The following CCSER1 variants were observed in gnomAD, a reference collection of about 807,000 sequenced individuals.
CCSER1 encodes coiled-coil serine rich protein 1, also known as serine-rich coiled-coil domain-containing protein 1.
A neutral mutation model predicts 82.0 loss-of-function variants in CCSER1; 41 were observed. That is an observed-to-expected ratio of 0.50 (90% confidence interval 0.39 to 0.65). The LOEUF (loss-of-function observed/expected upper bound fraction) is 0.65, where lower values mean the gene tolerates loss of function less well. CCSER1 is among the 30% of genes least tolerant of loss of function. CCSER1 has a pLI of 0.00. For synonymous variants in CCSER1, 414 were observed against 383.9 expected (o/e 1.08, Z -0.92); for missense variants, 1,119 against 1,064.2 (o/e 1.05, Z -0.72).
intron 8 of CCSER1, among the ~76,000 whole-genome samples, chr4:90,835,046 T>G (rs1412795111): frequency 6.6e-6 from 1 of 152,186 alleles, no homozygotes; most frequent in African/African-American, 2.4e-5. Context: ...AATTTTACCT[T>G]TTTCTCGCTG....
intron 1 of CCSER1, among the ~76,000 whole-genome samples, chr4:90,304,778 C>A (rs2153476166): frequency 6.6e-6 from 1 of 151,500 alleles, no homozygotes; most frequent in African/African-American, 2.4e-5. Flanking sequence ...CGCACATGTA[C>A]CCTAAAACTT....
intron 8 of CCSER1, among the ~76,000 whole-genome samples, chr4:90,893,302 T>C: frequency 6.6e-6 from 1 of 152,028 alleles, no homozygotes. Flanking sequence ...GAAGAGAATG[T>C]AAGGAAAGGA....
At chr4:90,310,074 G>C (rs1735030085) in intron 2 of CCSER1, among the ~76,000 whole-genome samples, 1 of 151,622 alleles carries the variant, frequency 6.6e-6, no homozygotes, top group Non-Finnish European at 1.5e-5. Context: ...AATTTCCTTT[G>C]TTAACTAAGC....
At chr4:91,222,234 G>A (rs888663818) in intron 10 of CCSER1, among the ~76,000 whole-genome samples, 2 of 151,136 alleles carry the variant, frequency 1.3e-5, no homozygotes, top group African/African-American at 4.9e-5. Context: ...GCAGGAAGGT[G>A]AGCACAGCCG....
intron 3 of CCSER1, among the ~76,000 whole-genome samples, chr4:90,359,887 ATG>A (rs1230784919): frequency 5.0e-5 from 4 of 79,274 alleles, no homozygotes; most frequent in Non-Finnish European, 6.8e-5. Flanking sequence ...GTGTATATAT[ATG>A]TGTGTGTGTA....
At chr4:90,552,422 C>T (rs1002019724) in intron 5 of CCSER1, among the ~76,000 whole-genome samples, 1 of 151,914 alleles carries the variant, frequency 6.6e-6, no homozygotes, top group Non-Finnish European at 1.5e-5. Flanking sequence ...ATTTTTAGAA[C>T]AAATTTTCAA....
chr4:91,558,011 TTAAA>T (rs1762482404), intron 10 of CCSER1, among the ~76,000 whole-genome samples: 1 of 151,116 alleles, frequency 6.6e-6, no homozygotes, highest in Non-Finnish European at 1.5e-5. Flanking sequence ...TAATAGTACT[TTAAA>T]TATTTCTTAA....
chr4:90,171,274 T>C (rs1659169621), intron 1 of CCSER1, among the ~76,000 whole-genome samples: 1 of 151,814 alleles, frequency 6.6e-6, no homozygotes, highest in South Asian at 2.1e-4. Flanking sequence ...GAATTTTCAG[T>C]GTCCTTTGAG....
chr4:91,481,882 A>C (rs1039882537), intron 10 of CCSER1, among the ~76,000 whole-genome samples: 2 of 152,172 alleles, frequency 1.3e-5, no homozygotes, highest in African/African-American at 2.4e-5. Context: ...TCATCTGACA[A>C]AGGGCTAATA....
intron 10 of CCSER1, among the ~76,000 whole-genome samples, chr4:91,501,851 T>C (rs941070847): frequency 4.2e-4 from 64 of 152,196 alleles, no homozygotes; most frequent in African/African-American, 1.5e-3. Flanking sequence ...CCCACTTTTA[T>C]GTAGCCAAGT....
intron 4 of CCSER1, among the ~76,000 whole-genome samples, chr4:90,424,460 C>T (rs947593225): frequency 1.3e-5 from 2 of 152,108 alleles, no homozygotes; most frequent in African/African-American, 4.8e-5. Context: ...CTATAATACT[C>T]ATATTTCTTT....
chr4:90,768,755 A>C (rs1214033218), intron 7 of CCSER1, among the ~76,000 whole-genome samples: 6 of 152,208 alleles, frequency 3.9e-5, no homozygotes, highest in Non-Finnish European at 5.9e-5. Flanking sequence ...AAAATAGAAA[A>C]TGTGCCTAAA....
chr4:91,442,507 A>C (rs1455235003), intron 10 of CCSER1, among the ~76,000 whole-genome samples: 1 of 134,424 alleles, frequency 7.4e-6, no homozygotes, highest in African/African-American at 2.8e-5. Flanking sequence ...TAGACCTAAA[A>C]CCATAAAAAC....
intron 10 of CCSER1, among the ~76,000 whole-genome samples, chr4:91,469,018 G>A (rs1757115528): frequency 6.6e-6 from 1 of 151,994 alleles, no homozygotes; most frequent in Admixed American, 6.6e-5. Context: ...AAAATAGTTT[G>A]TTAGTTTATT....
At chr4:91,287,458 C>G (rs1029658970) in intron 10 of CCSER1, among the ~76,000 whole-genome samples, 1 of 151,374 alleles carries the variant, frequency 6.6e-6, no homozygotes, top group Non-Finnish European at 1.5e-5. Flanking sequence ...TATTTGTTTT[C>G]TTCATTCTTT....
At chr4:91,550,355 A>G (rs979955427) in intron 10 of CCSER1, among the ~76,000 whole-genome samples, 5 of 152,120 alleles carry the variant, frequency 3.3e-5, no homozygotes, top group African/African-American at 9.7e-5. Context: ...TAACTCAAGG[A>G]CTTGTCCTCA....
intron 6 of CCSER1, among the ~76,000 whole-genome samples, chr4:90,691,689 A>G (rs926325000): frequency 2.2e-5 from 3 of 138,470 alleles, no homozygotes; most frequent in Admixed American, 1.4e-4. Flanking sequence ...ATGTGTATAT[A>G]TATACACACA....
intron 10 of CCSER1, among the ~76,000 whole-genome samples, chr4:91,160,410 A>C (rs1731267439): frequency 6.6e-6 from 1 of 152,134 alleles, no homozygotes. Context: ...GGTATATACC[A>C]GGCAATGACA....
chr4:91,254,930 G>A (rs1248362097), intron 10 of CCSER1, among the ~76,000 whole-genome samples: 4 of 151,948 alleles, frequency 2.6e-5, no homozygotes, highest in Non-Finnish European at 2.9e-5. Context: ...CTTTCCCTCA[G>A]TCTCTGGCAA....
Sources: allele counts gnomAD v4.1 joint callset (sites outside exome capture counted in the v4.1 genomes callset), GRCh38; gene constraint gnomAD v4.1.1; transcripts MANE v1.5; gene names NCBI Gene and HGNC (gene_info 2026-07-23, HGNC 2026-07-21).